The following PDE1A variants were observed in gnomAD, a reference collection of about 807,000 sequenced individuals.
PDE1A encodes the protein dual specificity calcium/calmodulin-dependent 3',5'-cyclic nucleotide phosphodiesterase 1A.
In PDE1A, 35 loss-of-function variants were observed where a neutral mutation model predicts 61.7. That is an observed-to-expected ratio of 0.57 (90% CI 0.43 to 0.75). PDE1A has a LOEUF of 0.75. Among genes scored for constraint, PDE1A ranks in the 30% least tolerant of loss-of-function variants. PDE1A has a pLI of 0.00. For missense variants in PDE1A, 597 were observed against 630.6 expected (o/e 0.95, Z 0.57); for synonymous variants, 232 against 213.2 (o/e 1.09, Z -0.77).
chr2:182,683,992 G>A, the PDE1A span, among the ~76,000 whole-genome samples: 155 of 151,918 alleles, frequency 1.0e-3, no homozygotes, highest in South Asian at 6.3e-3. Context: ...GTGTGGTGGC[G>A]CATGCCTGTA....
At chr2:182,300,673 A>G (rs1695181942) in intron 1 of PDE1A, among the ~76,000 whole-genome samples, 2 of 152,232 alleles carry the variant, frequency 1.3e-5, no homozygotes, top group South Asian at 2.1e-4. Flanking sequence ...GGAAATAATT[A>G]TAGAAGTAGG....
At position 182,322,089 on chromosome 2, in the gene PDE1A, C is replaced by T. The variant is rs1014540945; in HGVS notation, c.54-57675G>A. 9.2e-5 allele frequency among the ~76,000 whole-genome samples: 14 copies of T among 152,280 alleles called. No homozygotes were observed. In the Middle Eastern group the frequency reaches 0.014, roughly 148 times the overall value. ...CTTTGAATTCCTTCTCTCCTACTTA[C>T]AAGTTGTGTGATCTTGGGCAAATTA... On this transcript the variant is annotated intron_variant, in intron 1 of 13. Coordinates refer to ENST00000351439, the Ensembl canonical transcript of PDE1A.
At chr2:182,443,167 G>A (rs891402001) in intron 2 of PDE1A, among the ~76,000 whole-genome samples, 4 of 150,558 alleles carry the variant, frequency 2.7e-5, no homozygotes, top group Non-Finnish European at 3.0e-5. Flanking sequence ...TTTCTACCTC[G>A]GATAATAATT....
intron 1 of PDE1A, among the ~76,000 whole-genome samples, chr2:182,301,524 AG>A (rs1179349411): frequency 6.6e-6 from 1 of 152,174 alleles, no homozygotes; most frequent in Non-Finnish European, 1.5e-5. Context: ...GTAGTGGTGC[AG>A]GGGTGCTTTT....
At chr2:182,196,083 T>C (rs1574648943) in intron 10 of PDE1A, among the ~76,000 whole-genome samples, 1 of 152,094 alleles carries the variant, frequency 6.6e-6, no homozygotes. Context: ...GGAATTAATA[T>C]CATATTTCAG....
rs1298467148 is a variant in PDE1A at position 182,173,590 on chromosome 2, A to G, written c.1517-5300T>C. Among the ~76,000 whole-genome samples the G allele has an allele frequency of 3.3e-5, 5 of 151,574 alleles. No homozygotes were observed. The East Asian group carries it at 9.6e-4, about 29-fold the overall frequency. ...ATTTAATTTACTAATAATTTAAAAT[A>G]TATAAAATTACTAACATGATCTCAT... On this transcript the variant is annotated intron_variant, in intron 13 of 13. Transcript: ENST00000351439.
chr2:182,532,957 A>ACAAAAC, the PDE1A span, among the ~76,000 whole-genome samples: 1 of 149,210 alleles, frequency 6.7e-6, no homozygotes, highest in East Asian at 2.0e-4. Context: ...AAAAAAAAAA[A>ACAAAAC]AAAAAAAAAA....
intron 1 of PDE1A, among the ~76,000 whole-genome samples, chr2:182,299,062 T>C (rs569510063): frequency 1.3e-5 from 2 of 152,086 alleles, no homozygotes; most frequent in South Asian, 4.2e-4. Flanking sequence ...TGCAACACCA[T>C]AGCAAATGTG....
intron 1 of PDE1A, among the ~76,000 whole-genome samples, chr2:182,285,697 C>T (rs568764310): frequency 1.0e-3 from 155 of 152,166 alleles, no homozygotes; most frequent in African/African-American, 3.6e-3. Context: ...GCATCTCAGG[C>T]TTCTGTGACC....
At chr2:182,525,884 G>T (rs545071849), upstream of PDE1A, among the ~76,000 whole-genome samples, 1 of 151,696 alleles carries the variant, frequency 6.6e-6, no homozygotes, top group African/African-American at 2.4e-5. Context: ...TCAAATACTC[G>T]TTAAAAATAA....
intron 1 of PDE1A, among the ~76,000 whole-genome samples, chr2:182,273,168 A>G (rs557463486): frequency 4.7e-4 from 71 of 152,210 alleles, no homozygotes; most frequent in South Asian, 6.2e-4. Context: ...GAATTGACTG[A>G]TATCTTTTGA....
chr2:182,176,804 G>A (rs368452386), intron 13 of PDE1A, among the ~76,000 whole-genome samples: 2 of 150,782 alleles, frequency 1.3e-5, no homozygotes, highest in African/African-American at 4.9e-5. Context: ...CCCATTCAGT[G>A]TGATATTGGC....
intron 2 of PDE1A, among the ~76,000 whole-genome samples, chr2:182,248,581 AC>A (rs11333920): frequency 0.045 from 6,819 of 152,242 alleles, 474 homozygotes; most frequent in African/African-American, 0.15. Context: ...TATATTTTGA[AC>A]TAAAAAGTTT....
intron 2 of PDE1A, among the ~76,000 whole-genome samples, chr2:182,464,459 A>AC (rs1159407877): frequency 9.2e-5 from 14 of 152,236 alleles, no homozygotes; most frequent in African/African-American, 3.1e-4. Flanking sequence ...GCTTAAACTG[A>AC]CCAAATACCT....
intron 1 of PDE1A, among the ~76,000 whole-genome samples, chr2:182,396,925 T>C (rs1701736292): frequency 6.6e-6 from 1 of 152,298 alleles, no homozygotes; most frequent in South Asian, 2.1e-4. Context: ...GACTGGGAAG[T>C]GAAAAGCAGT....
downstream of PDE1A, among the ~76,000 whole-genome samples, chr2:182,166,810 GA>G (rs1277061773): frequency 9.9e-5 from 15 of 152,104 alleles, no homozygotes; most frequent in African/African-American, 3.6e-4. Flanking sequence ...ACTTATTTGT[GA>G]AAATACATTA....
intron 13 of PDE1A, among the ~76,000 whole-genome samples, chr2:182,157,001 T>TA (rs1691120981): frequency 1.4e-5 from 2 of 140,824 alleles, no homozygotes; most frequent in South Asian, 2.1e-4. Context: ...TTATTATTAT[T>TA]TTATTTTATT....
chr2:182,293,972 T>C (rs1694708904), intron 1 of PDE1A, among the ~76,000 whole-genome samples: 2 of 152,224 alleles, frequency 1.3e-5, no homozygotes, highest in African/African-American at 4.8e-5. Context: ...ATGATGTCTA[T>C]GGTGTGATAT....
At chr2:182,266,325 T>C (rs910164666) in intron 1 of PDE1A, among the ~76,000 whole-genome samples, 9 of 152,256 alleles carry the variant, frequency 5.9e-5, no homozygotes, top group African/African-American at 1.4e-4. Context: ...TTATAATGGA[T>C]CAAGATACAG....
Sources: gnomAD v4.1 joint callset for allele counts (sites outside exome capture counted in the v4.1 genomes callset) on GRCh38, gnomAD v4.1.1 for gene constraint, MANE v1.5 for transcripts, NCBI Gene and HGNC (gene_info 2026-07-23, HGNC 2026-07-21) for gene names.